PRKG1: variants seen among roughly 807,000 people sequenced by gnomAD.
PRKG1 encodes the protein protein kinase cGMP-dependent 1.
In PRKG1, 35 loss-of-function variants were observed where a neutral mutation model predicts 88.1. The ratio of observed to expected loss-of-function variants is 0.40; its 90% confidence interval spans 0.30 to 0.53. PRKG1 has a LOEUF of 0.53. PRKG1 is among the 20% of genes least tolerant of loss of function. The pLI is 0.59. For missense variants in PRKG1, 540 were observed against 839.8 expected, an observed-to-expected ratio of 0.64 and a Z score of 4.41; for synonymous variants, 303 against 292.5, an observed-to-expected ratio of 1.04 and a Z score of -0.37.
At chr10:51,983,409 A>G (rs1402549764) in intron 5 of PRKG1, among the ~76,000 whole-genome samples, 1 of 152,166 alleles carries the variant, frequency 6.6e-6, no homozygotes, top group African/African-American at 2.4e-5. Flanking sequence ...AGTCAGGCAT[A>G]GTCTGCCTGT....
At chr10:51,000,134 A>G (rs188643834) in intron 1 of PRKG1, among the ~76,000 whole-genome samples, 40 of 152,352 alleles carry the variant, frequency 2.6e-4, no homozygotes, top group African/African-American at 8.2e-4. Context: ...CTGTGGTGCC[A>G]TGACAATGGT....
intron 3 of PRKG1, among the ~76,000 whole-genome samples, chr10:51,685,333 G>A (rs893644106): frequency 1.3e-5 from 2 of 152,158 alleles, no homozygotes; most frequent in Non-Finnish European, 2.9e-5. Flanking sequence ...AAGATGCTGC[G>A]TGTCAAATGC....
chr10:51,190,920 T>C (rs1837616115), intron 2 of PRKG1, among the ~76,000 whole-genome samples: 3 of 151,810 alleles, frequency 2.0e-5, no homozygotes, highest in Admixed American at 2.0e-4. Context: ...GCCAGACATG[T>C]TATGGATGAA....
chr10:52,037,630 A>C (rs190747187), intron 5 of PRKG1, among the ~76,000 whole-genome samples: 3,837 of 152,250 alleles, frequency 0.025, 134 homozygotes, highest in African/African-American at 0.081. Flanking sequence ...GGAGCATTAA[A>C]GTTGACTATG....
chr10:51,777,373 C>T (rs1589278095), intron 3 of PRKG1, among the ~76,000 whole-genome samples: 2 of 152,066 alleles, frequency 1.3e-5, no homozygotes, highest in Admixed American at 6.6e-5. Flanking sequence ...TCTTCTCATT[C>T]CCACAAAATA....
At chr10:51,307,311 A>G (rs1410434994) in intron 2 of PRKG1, among the ~76,000 whole-genome samples, 6 of 152,042 alleles carry the variant, frequency 3.9e-5, no homozygotes, top group Non-Finnish European at 7.4e-5. Context: ...GAAAAGTATT[A>G]TTATCTTAAT....
At chr10:51,745,927 A>G (rs577993627) in intron 3 of PRKG1, among the ~76,000 whole-genome samples, 1 of 152,150 alleles carries the variant, frequency 6.6e-6, no homozygotes, top group Non-Finnish European at 1.5e-5. Context: ...TCACTGCAGC[A>G]TCGAACTCCT....
chr10:52,240,447 A>G (rs531247820), intron 9 of PRKG1, among the ~76,000 whole-genome samples: 101 of 152,338 alleles, frequency 6.6e-4, no homozygotes, highest in Middle Eastern at 3.4e-3. Context: ...AAAACGGACC[A>G]TAAGTATAAG....
intron 8 of PRKG1, among the ~76,000 whole-genome samples, chr10:52,137,337 G>A (rs1021845596): frequency 3.9e-5 from 6 of 151,950 alleles, no homozygotes; most frequent in Admixed American, 3.9e-4. Flanking sequence ...AGTACCTGCA[G>A]TGATGTCAAA....
chr10:51,134,201 G>T (rs891316509), intron 1 of PRKG1, among the ~76,000 whole-genome samples: 18 of 152,158 alleles, frequency 1.2e-4, no homozygotes, highest in African/African-American at 3.4e-4. Flanking sequence ...ATAAATAGGA[G>T]TCAAGGATTT....
chr10:52,239,930 T>C (rs921197901), intron 9 of PRKG1, among the ~76,000 whole-genome samples: 6 of 152,192 alleles, frequency 3.9e-5, no homozygotes, highest in Non-Finnish European at 7.4e-5. Flanking sequence ...CAGTTTCTAA[T>C]ATTATAGTCA....
intron 4 of PRKG1, among the ~76,000 whole-genome samples, chr10:51,888,046 C>T (rs554140877): frequency 6.6e-6 from 1 of 152,118 alleles, no homozygotes; most frequent in Non-Finnish European, 1.5e-5. Context: ...TACTGCAAAG[C>T]AAACAAAAAA....
chr10:51,724,360 G>A (rs903554481), intron 3 of PRKG1, among the ~76,000 whole-genome samples: 20 of 152,110 alleles, frequency 1.3e-4, no homozygotes, highest in African/African-American at 4.8e-4. Context: ...ATTTGACTTT[G>A]GAAGAAGATA....
chr10:51,367,629 G>T (rs550950452), intron 2 of PRKG1, among the ~76,000 whole-genome samples: 83 of 151,784 alleles, frequency 5.5e-4, no homozygotes, highest in Non-Finnish European at 9.9e-4. Context: ...AAAGTCCTTT[G>T]ATTTGCTAAT....
intron 4 of PRKG1, among the ~76,000 whole-genome samples, chr10:51,821,168 G>T (rs1839735051): frequency 6.6e-6 from 1 of 152,066 alleles, no homozygotes; most frequent in Admixed American, 6.6e-5. Context: ...CATACCTTTT[G>T]CTGTGTGTAT....
At chr10:52,248,254 A>C (rs545582723) in intron 9 of PRKG1, among the ~76,000 whole-genome samples, 7 of 152,354 alleles carry the variant, frequency 4.6e-5, no homozygotes, top group African/African-American at 1.4e-4. Flanking sequence ...GTTTATGGCC[A>C]GTCTTCGGGC....
In PRKG1 at chr10:51,434,012, A is replaced by G. The variant is rs558156104; in HGVS notation, c.479-33711A>G. 3.4e-4 allele frequency among the ~76,000 whole-genome samples: 52 copies of G among 152,212 alleles called. 1 individual carries two copies. In the South Asian group the frequency reaches 0.011, roughly 31 times the overall value. On this transcript the variant is annotated intron_variant, in intron 2 of 17. Coordinates refer to ENST00000373980, the MANE Select transcript of PRKG1 (RefSeq NM_006258.4). ...GACTTTCCTAGGTGCCCCTGCCATT[A>G]CCTGGCTGAGCTGTAACTCAAAGCC...
intron 1 of PRKG1, among the ~76,000 whole-genome samples, chr10:51,065,338 T>C (rs1843736430): frequency 6.6e-6 from 1 of 152,012 alleles, no homozygotes; most frequent in Admixed American, 6.6e-5. Context: ...GGTGAGATTA[T>C]GGTGATTTAA....
chr10:50,991,425 A>G lies in PRKG1; in HGVS notation c.47A>G (p.Glu16Gly). Residue 16 changes from glutamate (E) to glycine (G), a missense_variant, in exon 1 of 18, where the codon GAG becomes GGG. By Grantham distance (98) the Glu-to-Gly change is moderately conservative. Coordinates refer to the PRKG1 transcript ENST00000401604. The surrounding 1 kb of genome is among the most constrained non-coding windows in gnomAD (Gnocchi z 4.5). ...TTTGCCAAGATTCTCATGCTCAAGG[A>G]GGAGAGGATCAAAGAGCTGGAGAAG... 6.3e-7 allele frequency: 1 copy of G among 1,584,012 alleles called. No individual in the cohort carries two copies. The highest frequency in any genetic ancestry group is 8.6e-7 in the Non-Finnish European group (1 of 1,165,822).
Sources: allele counts gnomAD v4.1 joint callset (sites outside exome capture counted in the v4.1 genomes callset), GRCh38; gene constraint gnomAD v4.1.1; non-coding constraint Gnocchi (gnomAD v3.1); transcripts MANE v1.5; gene names NCBI Gene and HGNC (gene_info 2026-07-23, HGNC 2026-07-21).